The following PPIL6 variants were observed in gnomAD, a reference collection of about 807,000 sequenced individuals.
PPIL6 encodes probable inactive peptidyl-prolyl cis-trans isomerase-like 6.
A neutral mutation model predicts 36.8 loss-of-function variants in PPIL6; 39 were observed. The observed-to-expected ratio is 1.06, with a 90% CI of 0.82 to 1.38. PPIL6 has a LOEUF of 1.38. Ranked by LOEUF, PPIL6 falls within the 40% of genes most tolerant of loss-of-function variation. PPIL6 has a pLI of 0.00. For missense variants in PPIL6, 368 were observed against 379.1 expected, an observed-to-expected ratio of 0.97 and a Z score of 0.24; for synonymous variants, 123 against 134.1, an observed-to-expected ratio of 0.92 and a Z score of 0.57.
chr6:109,399,874 G>A (rs954779165), intron 7 of PPIL6, among the ~76,000 whole-genome samples, 161 bp downstream of exon 7: 2 of 152,112 alleles, frequency 1.3e-5, no homozygotes, highest in Non-Finnish European at 2.9e-5. Flanking sequence ...CAAACTTCTT[G>A]CAAAATATTT....
chr6:109,435,044 G>A (rs770372990), intron 2 of PPIL6, among the ~76,000 whole-genome samples: 6 of 152,112 alleles, frequency 3.9e-5, no homozygotes, highest in Non-Finnish European at 5.9e-5. Flanking sequence ...CTTGGTGTCT[G>A]TCATCAGAGC....
chr6:109,429,337 ATGGAAAGCTCTGT>A (rs1485988816), intron 3 of PPIL6, among the ~76,000 whole-genome samples: 1 of 152,254 alleles, frequency 6.6e-6, no homozygotes, highest in Non-Finnish European at 1.5e-5. Context: ...ATACTCTTTT[ATGGAAAGCTCTGT>A]TGGTTCAGTT....
At chr6:109,403,490 T>G (rs1772649462) in intron 6 of PPIL6, among the ~76,000 whole-genome samples, 1 of 152,216 alleles carries the variant, frequency 6.6e-6, no homozygotes, top group Non-Finnish European at 1.5e-5. Context: ...GAGGAATTTC[T>G]GTCCTCTTTG....
upstream of PPIL6, chr6:109,440,908 G>A (rs186985241): frequency 6.6e-3 from 3,781 of 570,592 alleles, 25 homozygotes; most frequent in Admixed American, 8.8e-3. Flanking sequence ...GCCTTTCCGG[G>A]TTGGCGGCCC....
At chr6:109,429,830 A>G (rs1278699166) in intron 3 of PPIL6, among the ~76,000 whole-genome samples, 2 of 152,176 alleles carry the variant, frequency 1.3e-5, no homozygotes, top group Non-Finnish European at 2.9e-5. Flanking sequence ...CAATTGTGAG[A>G]TAACAGCATC....
chr6:109,416,871 A>C (rs1773287428), intron 6 of PPIL6, among the ~76,000 whole-genome samples: 2 of 152,126 alleles, frequency 1.3e-5, no homozygotes, highest in Non-Finnish European at 2.9e-5. Context: ...TACAAGACAA[A>C]AAAGGTATTT....
At chr6:109,395,761 T>C (rs12524273) in intron 7 of PPIL6, among the ~76,000 whole-genome samples, 46,159 of 151,044 alleles carry the variant, frequency 0.31, 7,237 homozygotes, top group Middle Eastern at 0.42. Flanking sequence ...TCTGCCACCA[T>C]GCGTGGCTAA....
rs1395923912 is a variant in PPIL6, at chr6:109,426,951, A to G, written c.527T>C (p.Val176Ala). ...VCPKTCKNFQ[V>A]LCTGKAGFSQ... is the part of the protein sequence containing the mutation. ...AAACCCTGCTTTTCCTGTGCACAAG[A>G]CCTGAAAATTTTTACATGTTTTGGG... The change falls in exon 5 of 8, where the codon GTC (valine) becomes GCC (alanine). Residue 176 changes from valine to alanine, a missense_variant. Coordinates refer to ENST00000521072, the MANE Select transcript of PPIL6 (RefSeq NM_173672.5). 1 of 1,608,406 alleles carries G rather than the reference A, an allele frequency of 6.2e-7. No individual in the cohort carries two copies. The highest frequency in any genetic ancestry group is 8.5e-7 in the Non-Finnish European group (1 of 1,175,696).
intron 6 of PPIL6, chr6:109,403,207 C>G (rs1473473604): frequency 2.2e-5 from 16 of 743,464 alleles, no homozygotes; most frequent in Non-Finnish European, 3.2e-5. Context: ...CTCCTGGGCT[C>G]AAGGCCTCCT....
At chr6:109,394,325 T>C (rs1772210095) in intron 7 of PPIL6, among the ~76,000 whole-genome samples, 1 of 147,792 alleles carries the variant, frequency 6.8e-6, no homozygotes, top group Non-Finnish European at 1.5e-5. Context: ...GTGAGCTGAG[T>C]TTGCACCACT....
intron 2 of PPIL6, among the ~76,000 whole-genome samples, chr6:109,433,350 C>A (rs1022874432): frequency 1.3e-5 from 2 of 152,234 alleles, no homozygotes; most frequent in African/African-American, 2.4e-5. Flanking sequence ...AGCCACCACA[C>A]CCTGCCAGGA....
chr6:109,414,015 A>C (rs1048793109), intron 6 of PPIL6, among the ~76,000 whole-genome samples: 2 of 152,128 alleles, frequency 1.3e-5, no homozygotes, highest in Non-Finnish European at 2.9e-5. Context: ...AATAGGCACA[A>C]AAAAAAAGAA....
chr6:109,430,174 T>C (rs1368261844), intron 3 of PPIL6, among the ~76,000 whole-genome samples: 2 of 152,234 alleles, frequency 1.3e-5, no homozygotes, highest in Non-Finnish European at 2.9e-5. Flanking sequence ...CCTTTACCTA[T>C]GCACAACTCA....
upstream of PPIL6, chr6:109,441,005 C>A (rs1774841685): frequency 1.9e-6 from 2 of 1,046,446 alleles, no homozygotes; most frequent in Admixed American, 2.1e-5. Flanking sequence ...CCCACCTGTG[C>A]GCGCCGCCTG....
Position 109,431,241 on chromosome 6 carries a change from C to T in PPIL6, c.336G>A (p.Val112=), listed in dbSNP as rs771274276. The T allele has an allele frequency of 3.7e-6, 6 of 1,613,720 alleles. No homozygotes were observed. The highest frequency in any genetic ancestry group is 3.3e-5 in the Admixed American group (2 of 59,970). The change falls in exon 3 of 8, where the codon GTG becomes GTA. Residue 112 remains valine, a synonymous_variant. Transcript: ENST00000521072. ...AGGGTTTAATGTCAACTATATCCCA[C>T]ACCTCGTGGGCCCATTTCTGCAGAT... ...ALDLQKWAHE[V]WDIVDIKPSA...
At chr6:109,419,971 A>T (rs1210249431) in intron 5 of PPIL6, among the ~76,000 whole-genome samples, 1 of 152,182 alleles carries the variant, frequency 6.6e-6, no homozygotes. Flanking sequence ...ATTCCAGTCT[A>T]TCTTGTTTTT....
chr6:109,440,276 C>G (rs1157707121), intron 1 of PPIL6, 180 bp downstream of exon 1: 1 of 772,816 alleles, frequency 1.3e-6, no homozygotes, highest in Non-Finnish European at 2.2e-6. Flanking sequence ...GCACTTGCCC[C>G]CCTATACTCT....
At chr6:109,396,353 G>A (rs980604596) in intron 7 of PPIL6, among the ~76,000 whole-genome samples, 3 of 152,046 alleles carry the variant, frequency 2.0e-5, no homozygotes, top group Non-Finnish European at 2.9e-5. Flanking sequence ...TCACCTTTGC[G>A]TGAGGTTCCT....
chr6:109,426,112 C>T (rs1484298245), intron 5 of PPIL6, among the ~76,000 whole-genome samples: 2 of 152,170 alleles, frequency 1.3e-5, no homozygotes, highest in Admixed American at 6.5e-5. Flanking sequence ...AAAATACCTG[C>T]TTTAACATGT....
Sources: gnomAD v4.1 joint callset for allele counts (sites outside exome capture counted in the v4.1 genomes callset) on GRCh38, gnomAD v4.1.1 for gene constraint, MANE v1.5 for transcripts, NCBI Gene and HGNC (gene_info 2026-07-23, HGNC 2026-07-21) for gene names.